UNC80: variants seen among roughly 807,000 people sequenced by gnomAD.
The protein encoded by UNC80 is unc-80 subunit of NALCN channel complex, also known as protein unc-80 homolog.
UNC80 carries 164 observed loss-of-function variants against 384.6 expected under a neutral mutation model. The ratio of observed to expected loss-of-function variants is 0.43; its 90% CI spans 0.38 to 0.49. UNC80 has a LOEUF of 0.49. Among genes scored for constraint, UNC80 ranks in the 20% least tolerant of loss-of-function variants. The pLI, the probability that UNC80 is intolerant of heterozygous loss-of-function variation, is 0.00. For missense variants in UNC80, 3,330 were observed against 4,143.0 expected (o/e 0.80, Z 5.39); for synonymous variants, 1,486 against 1,527.8 (o/e 0.97, Z 0.64).
At chr2:209,954,400 A>G in intron 48 of UNC80, 130 bp downstream of exon 48, 2 of 883,136 alleles carry the variant, frequency 2.3e-6, no homozygotes, top group Non-Finnish European at 3.2e-6. Context: ...TCCTAAACTC[A>G]GCCCTTTATG....
intron 51 of UNC80, among the ~76,000 whole-genome samples, chr2:209,965,029 A>G (rs972216432): frequency 1.6e-4 from 24 of 152,242 alleles, no homozygotes; most frequent in African/African-American, 5.8e-4. Context: ...GAGTCCATAA[A>G]TTTGGAGACA....
intron 22 of UNC80, among the ~76,000 whole-genome samples, chr2:209,851,896 T>C (rs976476162): frequency 6.6e-6 from 1 of 152,084 alleles, no homozygotes; most frequent in Non-Finnish European, 1.5e-5. Flanking sequence ...GTGAGACCAT[T>C]TACTTTAAAG....
At chr2:209,818,163 G>C (rs2079879557) in intron 11 of UNC80, among the ~76,000 whole-genome samples, 1 of 152,142 alleles carries the variant, frequency 6.6e-6, no homozygotes, top group South Asian at 2.1e-4. Context: ...ACCTCTCACA[G>C]GGAGAGCAAG....
At chr2:209,993,719 G>A (rs1013462188) in intron 63 of UNC80, among the ~76,000 whole-genome samples, 2 of 152,198 alleles carry the variant, frequency 1.3e-5, no homozygotes, top group Admixed American at 1.3e-4. Flanking sequence ...CCAAGGACTG[G>A]GTTTGCTGTA....
chr2:209,793,498 C>G (rs1050871781), intron 6 of UNC80, among the ~76,000 whole-genome samples: 1 of 151,934 alleles, frequency 6.6e-6, no homozygotes, highest in South Asian at 2.1e-4. Context: ...ATTACTTTGC[C>G]TGATGCTTGA....
Position 209,913,332 on chromosome 2 carries a change from G to T in UNC80, c.4891-470G>T, listed in dbSNP as rs114752536. Among the ~76,000 whole-genome samples, 1,016 of 152,116 alleles carry T rather than the reference G, an allele frequency of 6.7e-3. 6 individuals carry two copies. Among genetic ancestry groups the T allele is most frequent in the Non-Finnish European group, 0.011 (715 of 68,014 alleles). ...TAAAGGATTTTGTGGTTTAATCTGGGGCAATAACCACAATGTATTATGTAT... is the reference window on the plus strand; with the variant it reads ...TAAAGGATTTTGTGGTTTAATCTGGTGCAATAACCACAATGTATTATGTAT... On this transcript the variant is annotated intron_variant, in intron 30 of 64. Coordinates refer to ENST00000673920, the MANE Select transcript of UNC80 (RefSeq NM_001371986.1).
intron 14 of UNC80, among the ~76,000 whole-genome samples, chr2:209,828,394 A>T (rs2080700979): frequency 6.6e-6 from 1 of 152,182 alleles, no homozygotes; most frequent in South Asian, 2.1e-4. Context: ...ATAATAAAGG[A>T]AAAATGAAAA....
intron 54 of UNC80, 69 bp downstream of exon 54, chr2:209,971,026 C>T (rs906516443): frequency 2.4e-5 from 36 of 1,488,254 alleles, no homozygotes; most frequent in Admixed American, 7.4e-5. Flanking sequence ...ATGGTGTTCT[C>T]GTTTTTTTCT....
At chr2:209,843,304 C>T (rs139899590) in intron 21 of UNC80, among the ~76,000 whole-genome samples, 2 of 152,200 alleles carry the variant, frequency 1.3e-5, no homozygotes, top group African/African-American at 4.8e-5. Context: ...TTTAAAATTA[C>T]ATTTTCTGTT....
intron 31 of UNC80, among the ~76,000 whole-genome samples, chr2:209,914,195 T>C (rs942832105): frequency 6.6e-6 from 1 of 152,200 alleles, no homozygotes; most frequent in African/African-American, 2.4e-5. Context: ...TAGAGAATGA[T>C]TTTCCCCAGA....
intron 17 of UNC80, 87 bp from the exon 18 acceptor site, chr2:209,834,825 C>T (rs2081232891): frequency 8.9e-7 from 1 of 1,119,080 alleles, no homozygotes; most frequent in Non-Finnish European, 1.3e-6. Flanking sequence ...TTGTCTACAA[C>T]AGAGTGTTTT....
chr2:209,940,492 A>G (rs1271644104), intron 43 of UNC80, among the ~76,000 whole-genome samples: 1 of 152,172 alleles, frequency 6.6e-6, no homozygotes, highest in African/African-American at 2.4e-5. Context: ...TTAAATTAGC[A>G]TCTCTATGTT....
intron 22 of UNC80, among the ~76,000 whole-genome samples, chr2:209,862,638 T>G (rs1185526103): frequency 5.3e-5 from 8 of 149,764 alleles, no homozygotes; most frequent in Non-Finnish European, 1.5e-5. Context: ...AGACTAGGAT[T>G]GCAACCTCTG....
Position 209,820,539 on chromosome 2 carries a change from G to A in UNC80, c.2191G>A (p.Gly731Ser), listed in dbSNP as rs886590688. The A allele has an allele frequency of 1.3e-6, 2 of 1,551,732 alleles. No individual in the cohort carries two copies. The highest frequency in any genetic ancestry group is 1.7e-6 in the Non-Finnish European group (2 of 1,147,006). ...VSGSSTCGFG[G>S]PAVSGAGDGG... ...TGGAAGTTCCACCTGTGGATTCGGA[G>A]GCCCTGCTGTTAGTGGAGCTGGAGA... Residue 731 changes from glycine to serine, a missense_variant, in exon 13 of 65, where the codon GGC becomes AGC. By Grantham distance (56) the Gly-to-Ser change is moderately conservative. Transcript: ENST00000673920.
chr2:209,822,783 C>T (rs1335465821), intron 13 of UNC80, among the ~76,000 whole-genome samples: 1 of 151,862 alleles, frequency 6.6e-6, no homozygotes, highest in Non-Finnish European at 1.5e-5. Flanking sequence ...TATTTAGCAC[C>T]TAGGTATTAT....
chr2:209,938,710 C>G (rs200229823), intron 42 of UNC80, among the ~76,000 whole-genome samples: 4,147 of 83,268 alleles, frequency 0.05, 140 homozygotes, highest in African/African-American at 0.12. Context: ...CTCTCTCTCT[C>G]TGTGTGTGTG....
At chr2:209,914,946 T>G (rs1416242388) in intron 31 of UNC80, among the ~76,000 whole-genome samples, 1 of 152,174 alleles carries the variant, frequency 6.6e-6, no homozygotes, top group African/African-American at 2.4e-5. Context: ...TTTGCTCTTT[T>G]ATACCATACT....
chr2:209,980,414 C>T (rs2093129294), intron 59 of UNC80, among the ~76,000 whole-genome samples: 3 of 152,076 alleles, frequency 2.0e-5, no homozygotes, highest in Admixed American at 2.0e-4. Flanking sequence ...GGCCAAAAGC[C>T]AACACTAACA....
intron 22 of UNC80, among the ~76,000 whole-genome samples, chr2:209,853,016 CACAGAT>C (rs1429848509): frequency 6.6e-6 from 1 of 151,866 alleles, no homozygotes; most frequent in Admixed American, 6.6e-5. Context: ...TAGATATAGG[CACAGAT>C]ACAGATATAG....
Sources: allele counts gnomAD v4.1 joint callset (sites outside exome capture counted in the v4.1 genomes callset), GRCh38; gene constraint gnomAD v4.1.1; transcripts MANE v1.5; gene names NCBI Gene and HGNC (gene_info 2026-07-23, HGNC 2026-07-21).